Variants in SEZ6L observed in about 807,000 individuals in gnomAD.
SEZ6L encodes seizure related 6 homolog like.
Under a neutral mutation model 106.2 loss-of-function variants are expected in SEZ6L, and 37 were observed. The ratio of observed to expected loss-of-function variants is 0.35; its 90% CI spans 0.27 to 0.46. The LOEUF is 0.46. Ranked by LOEUF, SEZ6L falls within the 20% of genes least tolerant of loss-of-function variation. The pLI, the probability that SEZ6L is intolerant of heterozygous loss-of-function variation, is 1.00. For missense variants in SEZ6L, 1,172 were observed against 1,332.8 expected (o/e 0.88, Z 1.88); for synonymous variants, 541 against 570.4 (o/e 0.95, Z 0.73).
intron 9 of SEZ6L, among the ~76,000 whole-genome samples, chr22:26,328,266 G>A (rs369723623): frequency 1.3e-5 from 2 of 152,188 alleles, no homozygotes; most frequent in Non-Finnish European, 1.5e-5. Flanking sequence ...TTGTTGCCAC[G>A]CCGCCCTTGC....
chr22:26,250,331 G>C (rs2079529865), intron 1 of SEZ6L, among the ~76,000 whole-genome samples: 1 of 152,002 alleles, frequency 6.6e-6, no homozygotes, highest in African/African-American at 2.4e-5. Context: ...ATTTTGAGTT[G>C]ATTTTTGTAT....
chr22:26,277,084 C>T (rs1479642345), intron 1 of SEZ6L, among the ~76,000 whole-genome samples: 2 of 150,376 alleles, frequency 1.3e-5, no homozygotes, highest in Admixed American at 6.6e-5. Context: ...GATAATTACT[C>T]TTGTAGCCGA....
At chr22:26,281,626 C>T (rs1030460831) in intron 1 of SEZ6L, among the ~76,000 whole-genome samples, 4 of 152,182 alleles carry the variant, frequency 2.6e-5, no homozygotes, top group African/African-American at 9.7e-5. Flanking sequence ...GGTCCGCCCA[C>T]CTCGGCCTTC....
At chr22:26,244,027 G>A (rs191757199) in intron 1 of SEZ6L, among the ~76,000 whole-genome samples, 1 of 152,182 alleles carries the variant, frequency 6.6e-6, no homozygotes, top group Admixed American at 6.5e-5. Context: ...GCCAGACATG[G>A]TGGCACAAAC....
intron 1 of SEZ6L, among the ~76,000 whole-genome samples, chr22:26,210,608 C>T (rs780276970): frequency 6.6e-5 from 10 of 152,054 alleles, no homozygotes; most frequent in Admixed American, 2.0e-4. Context: ...AGAGTGAGTG[C>T]GCGGACATTC....
At chr22:26,218,319 A>G (rs950557832) in intron 1 of SEZ6L, among the ~76,000 whole-genome samples, 9 of 152,104 alleles carry the variant, frequency 5.9e-5, no homozygotes, top group African/African-American at 1.4e-4. Context: ...TACATGTGCC[A>G]TGGTGGTTTG....
At chr22:26,300,543 C>G (rs917572427) in intron 5 of SEZ6L, among the ~76,000 whole-genome samples, 1 of 152,198 alleles carries the variant, frequency 6.6e-6, no homozygotes, top group African/African-American at 2.4e-5. Flanking sequence ...TTTTCTTAAA[C>G]CAGTCTATCA....
intron 9 of SEZ6L, among the ~76,000 whole-genome samples, chr22:26,317,171 A>T (rs1017368806): frequency 6.6e-6 from 1 of 152,174 alleles, no homozygotes; most frequent in African/African-American, 2.4e-5. Context: ...TCTTAGCTGA[A>T]GCTTCACATA....
At chr22:26,252,975 T>C (rs1170753479) in intron 1 of SEZ6L, among the ~76,000 whole-genome samples, 1 of 152,214 alleles carries the variant, frequency 6.6e-6, no homozygotes, top group Admixed American at 6.5e-5. Flanking sequence ...AGTTCTGCTT[T>C]AAGTTCAACA....
At chr22:26,207,138 T>C (rs190170077) in intron 1 of SEZ6L, among the ~76,000 whole-genome samples, 72 of 152,356 alleles carry the variant, frequency 4.7e-4, no homozygotes, top group Non-Finnish European at 6.5e-4. Context: ...CTTATGGTGC[T>C]CTTTTTCTGT....
In SEZ6L at chr22:26,193,491, G is replaced by A. The variant is rs146846886; in HGVS notation, c.94+23728G>A. Among the ~76,000 whole-genome samples the A allele has an allele frequency of 3.6e-3, 547 of 152,256 alleles. 1 individual carries two copies. Among genetic ancestry groups the A allele is most frequent in the Non-Finnish European group, 5.6e-3 (380 of 68,006 alleles). On this transcript the variant is annotated intron_variant, in intron 1 of 16. Transcript: ENST00000248933. ...ACATGGTGTGCCTTGTCCTAAAATA[G>A]TGGAAAATGCATAAATGAGAACGGT...
chr22:26,286,214 A>G (rs1055076081), intron 1 of SEZ6L, among the ~76,000 whole-genome samples: 8 of 152,202 alleles, frequency 5.3e-5, no homozygotes, highest in African/African-American at 1.9e-4. Context: ...AATGATCATC[A>G]TCTCTACCAG....
Position 26,169,740 on chromosome 22 carries a change from G to A in SEZ6L, c.71G>A (p.Ser24Asn). 7.9e-7 allele frequency: 1 copy of A among 1,263,174 alleles called. No homozygotes were observed. The highest frequency in any genetic ancestry group is 2.9e-5 in the South Asian group (1 of 34,392). The allele number at this position is 1,263,174 out of a possible 1,614,324, so 78.2% of individuals were successfully genotyped here. Residue 24 changes from serine (S) to asparagine (N), a missense_variant, in exon 1 of 17, where the codon AGC becomes AAC. Coordinates refer to ENST00000248933, the MANE Select transcript of SEZ6L (RefSeq NM_021115.5). ...ISLFLALLLGSPAAALERDAL... is the reference protein window; with the variant it reads ...ISLFLALLLGNPAAALERDAL... The stretch of plus-strand genomic sequence containing the variant: ...CTGTTCCTCGCTCTGCTCCTGGGGA[G>A]CCCGGCGGCAGCGCTGGAGCGAGGT...
intron 1 of SEZ6L, among the ~76,000 whole-genome samples, chr22:26,191,503 C>A (rs1940206456): frequency 6.7e-6 from 1 of 150,102 alleles, no homozygotes; most frequent in Admixed American, 6.7e-5. Context: ...CCAAATACTG[C>A]ATGCTCTCAC....
intron 9 of SEZ6L, among the ~76,000 whole-genome samples, chr22:26,314,479 T>C (rs2081942294): frequency 6.6e-6 from 1 of 152,244 alleles, no homozygotes; most frequent in Non-Finnish European, 1.5e-5. Context: ...TTCCTGTTTG[T>C]CTCCCTCAAC....
At chr22:26,327,295 C>T (rs2082337878) in intron 9 of SEZ6L, among the ~76,000 whole-genome samples, 1 of 146,322 alleles carries the variant, frequency 6.8e-6, no homozygotes, top group African/African-American at 2.5e-5. Context: ...CCCACACATA[C>T]CACACACACA....
intron 11 of SEZ6L, 35 bp downstream of exon 11, chr22:26,347,948 T>A: frequency 6.6e-7 from 1 of 1,506,750 alleles, no homozygotes; most frequent in Non-Finnish European, 8.8e-7. Context: ...TCTAGGTCCC[T>A]GGGTGGCAAA....
chr22:26,311,024 C>T (rs1397613628), intron 7 of SEZ6L, among the ~76,000 whole-genome samples, 188 bp downstream of exon 7: 1 of 152,208 alleles, frequency 6.6e-6, no homozygotes, highest in African/African-American at 2.4e-5. Context: ...ATTAACTGTG[C>T]ACTTACTACG....
chr22:26,257,246 A>C (rs713738), intron 1 of SEZ6L, among the ~76,000 whole-genome samples: 55,701 of 151,984 alleles, frequency 0.37, 10,502 homozygotes, highest in East Asian at 0.62. Flanking sequence ...AATGCACCTA[A>C]GCAAGCTCTA....
Sources: allele counts gnomAD v4.1 joint callset (sites outside exome capture counted in the v4.1 genomes callset), GRCh38; gene constraint gnomAD v4.1.1; transcripts MANE v1.5; gene names NCBI Gene and HGNC (gene_info 2026-07-23, HGNC 2026-07-21).